Variants in TNFSF4 observed in about 807,000 individuals in gnomAD.
TNFSF4 encodes the protein TNF superfamily member 4.
In TNFSF4, 4 loss-of-function variants were observed where a neutral mutation model predicts 7.3. The observed-to-expected ratio is 0.55, with a 90% CI of 0.27 to 1.25. The LOEUF is 1.25. Among genes scored for constraint, TNFSF4 ranks in the 50% most tolerant of loss-of-function variants. The pLI, the probability that TNFSF4 is intolerant of heterozygous loss-of-function variation, is 0.12. For synonymous variants in TNFSF4, 76 were observed against 83.7 expected, an observed-to-expected ratio of 0.91 and a Z score of 0.50; for missense variants, 181 against 208.8, an observed-to-expected ratio of 0.87 and a Z score of 0.82.
the TNFSF4 span, among the ~76,000 whole-genome samples, chr1:173,432,833 A>T: frequency 3.4e-3 from 515 of 152,344 alleles, 1 homozygote; most frequent in African/African-American, 0.012. Context: ...AATTTTGTGC[A>T]AATATCCCAT....
chr1:173,287,821 T>A, the TNFSF4 span, among the ~76,000 whole-genome samples: 220 of 152,338 alleles, frequency 1.4e-3, no homozygotes, highest in Non-Finnish European at 2.4e-3. Flanking sequence ...TCTAATTATA[T>A]AAAGTTCAAA....
chr1:173,341,142 T>C, the TNFSF4 span, among the ~76,000 whole-genome samples: 1 of 152,196 alleles, frequency 6.6e-6, no homozygotes, highest in Non-Finnish European at 1.5e-5. Context: ...TCCCCAGCCA[T>C]GCTGTACTGT....
the TNFSF4 span, among the ~76,000 whole-genome samples, chr1:173,298,580 C>T: frequency 6.6e-6 from 1 of 152,010 alleles, no homozygotes; most frequent in African/African-American, 2.4e-5. Context: ...ACACTTCACT[C>T]TGCACTACTC....
chr1:173,402,569 T>C, the TNFSF4 span, among the ~76,000 whole-genome samples: 1 of 152,204 alleles, frequency 6.6e-6, no homozygotes, highest in East Asian at 1.9e-4. Flanking sequence ...TGGAACGTAT[T>C]AAGCCAACTG....
At chr1:173,229,696 T>C in the TNFSF4 span, among the ~76,000 whole-genome samples, 8 of 152,094 alleles carry the variant, frequency 5.3e-5, no homozygotes, top group African/African-American at 1.9e-4. Flanking sequence ...CCATCTCACA[T>C]GCAGAGACAC....
chr1:173,394,026 T>C, the TNFSF4 span, among the ~76,000 whole-genome samples: 1 of 152,288 alleles, frequency 6.6e-6, no homozygotes, highest in Non-Finnish European at 1.5e-5. Flanking sequence ...TCTGCATTAT[T>C]TCAGCAAGAA....
At chr1:173,336,020 G>A in the TNFSF4 span, among the ~76,000 whole-genome samples, 1 of 152,164 alleles carries the variant, frequency 6.6e-6, no homozygotes, top group East Asian at 1.9e-4. Context: ...TTTAGTTCAG[G>A]TCTATCTCAC....
chr1:173,403,775 G>A, the TNFSF4 span, among the ~76,000 whole-genome samples: 4 of 152,070 alleles, frequency 2.6e-5, no homozygotes, highest in Non-Finnish European at 5.9e-5. Flanking sequence ...GGTGGCGGGT[G>A]CCTGTAATCC....
the TNFSF4 span, among the ~76,000 whole-genome samples, chr1:173,315,663 G>A: frequency 3.3e-5 from 5 of 152,288 alleles, no homozygotes; most frequent in South Asian, 8.3e-4. Flanking sequence ...GAGCAGGAAA[G>A]ATACTTCTGA....
the TNFSF4 span, among the ~76,000 whole-genome samples, chr1:173,316,960 C>T: frequency 1.3e-5 from 2 of 152,136 alleles, no homozygotes; most frequent in Non-Finnish European, 1.5e-5. Flanking sequence ...TGCTGCAGCT[C>T]TCATTGACAG....
chr1:173,205,630 G>C (rs1357915146), intron 1 of TNFSF4: 2 of 1,063,606 alleles, frequency 1.9e-6, no homozygotes, highest in Non-Finnish European at 2.3e-6. Flanking sequence ...CTCCCAGACT[G>C]GTGAATGCAC....
At chr1:173,390,583 G>A in the TNFSF4 span, among the ~76,000 whole-genome samples, 1 of 152,152 alleles carries the variant, frequency 6.6e-6, no homozygotes, top group Non-Finnish European at 1.5e-5. Context: ...TGTTGTTCAA[G>A]TGTAGGTCCC....
chr1:173,257,807 T>C, the TNFSF4 span, among the ~76,000 whole-genome samples: 1 of 152,142 alleles, frequency 6.6e-6, no homozygotes, highest in Non-Finnish European at 1.5e-5. Flanking sequence ...TCCAGAGTTT[T>C]ATTGGGATTT....
the TNFSF4 span, among the ~76,000 whole-genome samples, chr1:173,226,619 G>A: frequency 6.6e-5 from 10 of 152,160 alleles, no homozygotes; most frequent in African/African-American, 2.4e-4. Context: ...TACAGTTAGA[G>A]AGACAATTAA....
the TNFSF4 span, among the ~76,000 whole-genome samples, chr1:173,321,334 G>T: frequency 1.3e-5 from 2 of 152,118 alleles, no homozygotes; most frequent in Non-Finnish European, 2.9e-5. Flanking sequence ...AATTCAATAT[G>T]GATTAAAGAC....
At chr1:173,353,846 G>A in the TNFSF4 span, among the ~76,000 whole-genome samples, 1 of 152,140 alleles carries the variant, frequency 6.6e-6, no homozygotes, top group East Asian at 1.9e-4. Flanking sequence ...TTGTATTCAT[G>A]TAATTGTCTC....
chr1:173,361,527 A>T, the TNFSF4 span, among the ~76,000 whole-genome samples: 105,628 of 151,884 alleles, frequency 0.7, 36,937 homozygotes, highest in African/African-American at 0.77. Flanking sequence ...TGAACCCAGA[A>T]GGCGGAGGTT....
At chr1:173,213,172 T>C in the TNFSF4 span, among the ~76,000 whole-genome samples, 1 of 152,226 alleles carries the variant, frequency 6.6e-6, no homozygotes, top group South Asian at 2.1e-4. Flanking sequence ...ACACCATTAG[T>C]TCAAATACAA....
the TNFSF4 span, among the ~76,000 whole-genome samples, chr1:173,174,149 T>C: frequency 6.6e-6 from 1 of 152,206 alleles, no homozygotes; most frequent in Admixed American, 6.5e-5. Flanking sequence ...GCTGCCAGTC[T>C]CTTTGCATAG....
Sources: gnomAD v4.1 joint callset for allele counts (sites outside exome capture counted in the v4.1 genomes callset) on GRCh38, gnomAD v4.1.1 for gene constraint, MANE v1.5 for transcripts, NCBI Gene and HGNC (gene_info 2026-07-23, HGNC 2026-07-21) for gene names.